Variants in FEN1 observed in about 807,000 individuals in gnomAD.
The protein encoded by FEN1 is flap structure-specific endonuclease 1, also known as flap endonuclease 1.
In FEN1, 19 loss-of-function variants were observed where a neutral mutation model predicts 24.7. That is an observed-to-expected ratio of 0.77 (90% CI 0.54 to 1.13). The LOEUF is 1.13. FEN1 is among the 50% of genes most tolerant of loss of function. FEN1 has a pLI of 0.00. For missense variants in FEN1, 339 were observed against 488.7 expected (o/e 0.69, Z 2.89); for synonymous variants, 155 against 189.2 (o/e 0.82, Z 1.48).
chr11:61,796,259 G>C lies in FEN1; in HGVS notation c.898G>C (p.Glu300Gln), dbSNP rs188983237. The change falls in exon 2 of 2, where the codon GAG becomes CAG. Residue 300 changes from glutamate (E) to glutamine (Q), a missense_variant. This residue lies in a region of FEN1 where 70 missense variants were observed against 64.9 expected (regional missense o/e 1.08). Coordinates refer to ENST00000305885, the MANE Select transcript of FEN1 (RefSeq NM_004111.6). Reference sequence around the variant, plus strand: ...AGAGTCTGTGGAGCTGAAGTGGAGCGAGCCAAATGAAGAAGAGCTGATCAA... The same window carrying C: ...AGAGTCTGTGGAGCTGAAGTGGAGCCAGCCAAATGAAGAAGAGCTGATCAA... ...DPESVELKWS[E>Q]PNEEELIKFM... is the part of the protein sequence containing the mutation. 1.2e-6 allele frequency: 2 copies of C among 1,612,552 alleles called. No individual in the cohort carries two copies. Among genetic ancestry groups the C allele is most frequent in the Admixed American group, 3.3e-5 (2 of 60,026 alleles).
Position 61,795,411 on chromosome 11 carries a change from C to G in FEN1, c.50C>G (p.Ala17Gly). ...CTAATTGCTGATGTGGCCCCCAGTGCCATCCGGGAGAATGACATCAAGAGC... is the reference window on the plus strand; with the variant it reads ...CTAATTGCTGATGTGGCCCCCAGTGGCATCCGGGAGAATGACATCAAGAGC... ...AKLIADVAPS[A>G]IRENDIKSYF... Residue 17 changes from alanine to glycine, a missense_variant, in exon 2 of 2, where the codon GCC (alanine) becomes GGC (glycine). By Grantham distance (60) the Ala-to-Gly change is moderately conservative. This residue lies in a region of FEN1 where 216 missense variants were observed against 329.7 expected (regional missense o/e 0.66). Coordinates refer to ENST00000305885, the MANE Select transcript of FEN1 (RefSeq NM_004111.6). The surrounding 1 kb of genome is among the most constrained non-coding windows in gnomAD (Gnocchi z 4.1). The G allele has an allele frequency of 6.2e-7, 1 of 1,613,116 alleles. No individual in the cohort carries two copies. Among genetic ancestry groups the G allele is most frequent in the Non-Finnish European group, 8.5e-7 (1 of 1,179,336 alleles).
Position 61,795,233 on chromosome 11 carries a change from G to T in FEN1, c.-21-108G>T. The T allele has an allele frequency of 3.4e-6, 3 of 889,668 alleles. No homozygotes were observed. The highest frequency in any genetic ancestry group is 3.4e-6 in the Non-Finnish European group (2 of 592,896). The allele number at this position is 889,668 out of a possible 1,614,324, so 55.1% of individuals were successfully genotyped here. A position where few individuals can be genotyped will look rare whatever the true frequency, so the allele number is the denominator to read the frequency against. Reference sequence around the variant, plus strand: ...TTTTATCTTTAGCAGTGCTGACATGGTGTCCTTTTTGTTGTGTGGAATTTA... The same window carrying T: ...TTTTATCTTTAGCAGTGCTGACATGTTGTCCTTTTTGTTGTGTGGAATTTA... On this transcript the variant is annotated intron_variant, in intron 1 of 1. Coordinates refer to ENST00000305885, the MANE Select transcript of FEN1 (RefSeq NM_004111.6). This position sits in a 1 kb window ranked among gnomAD's most constrained non-coding sequence, Gnocchi z 4.1.
intron 1 of FEN1, among the ~76,000 whole-genome samples, chr11:61,793,752 C>T (rs1468205344): frequency 6.6e-6 from 1 of 152,146 alleles, no homozygotes; most frequent in Non-Finnish European, 1.5e-5. Context: ...AAAGGCGGGC[C>T]TTATTCCAGC....
rs1022887182 is a variant in FEN1, at chr11:61,792,957, G to A, written c.-93G>A. On this transcript the variant is annotated 5_prime_UTR_variant, in exon 1 of 2. Coordinates refer to ENST00000305885, the MANE Select transcript of FEN1 (RefSeq NM_004111.6). ...CCGCTAAGCTGAGAAGGGAGAGCGAGCTTAGGACCGCCTGCCCGGGGCAAC... is the reference window on the plus strand; with the variant it reads ...CCGCTAAGCTGAGAAGGGAGAGCGAACTTAGGACCGCCTGCCCGGGGCAAC... 4 of 224,566 alleles carry A rather than the reference G, an allele frequency of 1.8e-5. No individual in the cohort carries two copies. Among genetic ancestry groups the A allele is most frequent in the Non-Finnish European group, 3.7e-5 (4 of 109,194 alleles). The allele number at this position is 224,566 out of a possible 1,614,324, so 13.9% of individuals were successfully genotyped here.
At position 61,795,948 on chromosome 11, in the gene FEN1, C is replaced by T. The variant is rs1565315743; in HGVS notation, c.587C>T (p.Ala196Val). The change falls in exon 2 of 2, where the codon GCC (alanine) becomes GTC (valine). Residue 196 changes from alanine to valine, a missense_variant. Ala to Val is a moderately conservative substitution (Grantham distance 64). Coordinates refer to ENST00000305885, the MANE Select transcript of FEN1 (RefSeq NM_004111.6). The surrounding 1 kb of genome is among the most constrained non-coding windows in gnomAD (Gnocchi z 4.1). The part of the protein sequence containing the change: ...GSPVLMRHLT[A>V]SEAKKLPIQE... The stretch of plus-strand genomic sequence containing the variant: ...CCTGTGCTAATGCGACACCTGACTG[C>T]CAGTGAAGCCAAAAAGCTGCCAATC... 6.2e-7 allele frequency: 1 copy of T among 1,614,124 alleles called. No homozygotes were observed. The highest frequency in any genetic ancestry group is 2.2e-5 in the East Asian group (1 of 44,882).
At chr11:61,794,095 G>A (rs372232561) in intron 1 of FEN1, among the ~76,000 whole-genome samples, 3 of 152,202 alleles carry the variant, frequency 2.0e-5, no homozygotes, top group Middle Eastern at 3.2e-3. Context: ...CAAAGTGCTG[G>A]GATTACTGCC....
chr11:61,794,386 G>A (rs577864291), intron 1 of FEN1, among the ~76,000 whole-genome samples: 9 of 151,304 alleles, frequency 5.9e-5, no homozygotes, highest in South Asian at 2.1e-4. Context: ...GGGTTTCACC[G>A]TGTTGGCCAG....
Position 61,795,663 on chromosome 11 carries a change from G to C in FEN1, c.302G>C (p.Ser101Thr), listed in dbSNP as rs1412724264. 1 of 1,613,900 alleles carries C rather than the reference G, an allele frequency of 6.2e-7. No individual in the cohort carries two copies. Among genetic ancestry groups the C allele is most frequent in the African/African-American group, 1.3e-5 (1 of 74,950 alleles). ...QLKSGELAKR[S>T]ERRAEAEKQL... ...AAGTCAGGCGAGCTGGCCAAACGCA[G>C]TGAGCGGCGGGCTGAGGCAGAGAAG... The change falls in exon 2 of 2, where the codon AGT becomes ACT. Residue 101 changes from serine to threonine, a missense_variant. Ser to Thr is a moderately conservative substitution (Grantham distance 58, BLOSUM62 1). Coordinates refer to ENST00000305885, the MANE Select transcript of FEN1 (RefSeq NM_004111.6). This position sits in a 1 kb window ranked among gnomAD's most constrained non-coding sequence, Gnocchi z 4.1.
intron 1 of FEN1, chr11:61,793,359 C>CTCAG (rs2066800525): frequency 6.6e-6 from 1 of 152,486 alleles, no homozygotes; most frequent in Non-Finnish European, 1.5e-5. Flanking sequence ...TGGTCTGGTC[C>CTCAG]TCAGTCCACA....
Position 61,796,330 on chromosome 11 carries a change from T to C in FEN1, c.969T>C (p.Ser323=). The part of the protein sequence containing the change: ...EKQFSEERIR[S]GVKRLSKSRQ... ...AGTTCTCTGAGGAGCGAATCCGCAG[T>C]GGGGTCAAGAGGCTGAGTAAGAGCC... is the stretch of plus-strand genomic sequence containing the variant. The change falls in exon 2 of 2, where the codon AGT becomes AGC. Residue 323 remains serine, a synonymous_variant. Coordinates refer to ENST00000305885, the MANE Select transcript of FEN1 (RefSeq NM_004111.6). 1 of 1,613,308 alleles carries C rather than the reference T, an allele frequency of 6.2e-7. No homozygotes were observed. Among genetic ancestry groups the C allele is most frequent in the Non-Finnish European group, 8.5e-7 (1 of 1,180,032 alleles).
At chr11:61,794,884 C>A (rs1271811332) in intron 1 of FEN1, among the ~76,000 whole-genome samples, 1 of 152,176 alleles carries the variant, frequency 6.6e-6, no homozygotes, top group African/African-American at 2.4e-5. Context: ...TTTTTCAAGG[C>A]TGCCTTATTA....
Position 61,795,291 on chromosome 11 carries a change from G to C in FEN1, c.-21-50G>C. ...GCATGAAGTTGGTGAGATAACACCA[G>C]TTATAACCTTTCTCCTTTCCTCCGT... On this transcript the variant is annotated intron_variant, in intron 1 of 1. Transcript: ENST00000305885. The surrounding 1 kb of genome is among the most constrained non-coding windows in gnomAD (Gnocchi z 4.1). 6.7e-7 allele frequency: 1 copy of C among 1,500,934 alleles called. No individual in the cohort carries two copies. The highest frequency in any genetic ancestry group is 1.3e-5 in the South Asian group (1 of 75,318). The allele number at this position is 1,500,934 out of a possible 1,614,324, so 93.0% of individuals were successfully genotyped here. A position where few individuals can be genotyped will look rare whatever the true frequency, so the allele number is the denominator to read the frequency against.
In FEN1 at chr11:61,796,012, C is replaced by T; in HGVS notation, c.651C>T (p.Gly217=). 1.2e-6 allele frequency: 2 copies of T among 1,614,212 alleles called. No homozygotes were observed. Residue 217 remains glycine, a synonymous_variant, in exon 2 of 2, where the codon GGC becomes GGT. Coordinates refer to ENST00000305885, the MANE Select transcript of FEN1 (RefSeq NM_004111.6). ...TGAGCCGGATTCTGCAGGAGCTGGG[C>T]CTGAACCAGGAACAGTTTGTGGATC... is the stretch of plus-strand genomic sequence containing the variant. ...FHLSRILQEL[G]LNQEQFVDLC...
Position 61,795,663 on chromosome 11 carries a change from G to A in FEN1, c.302G>A (p.Ser101Asn). 1 of 1,614,018 alleles carries A rather than the reference G, an allele frequency of 6.2e-7. No individual in the cohort carries two copies. ...AAGTCAGGCGAGCTGGCCAAACGCAGTGAGCGGCGGGCTGAGGCAGAGAAG... is the reference window on the plus strand; with the variant it reads ...AAGTCAGGCGAGCTGGCCAAACGCAATGAGCGGCGGGCTGAGGCAGAGAAG... Reference protein sequence around the residue: ...QLKSGELAKRSERRAEAEKQL... With the variant: ...QLKSGELAKRNERRAEAEKQL... The change falls in exon 2 of 2, where the codon AGT becomes AAT. Residue 101 changes from serine to asparagine, a missense_variant. Physicochemically the swap from Ser to Asn is conservative, Grantham distance 46 (BLOSUM62 1). Transcript: ENST00000305885. This position sits in a 1 kb window ranked among gnomAD's most constrained non-coding sequence, Gnocchi z 4.1.
In FEN1 at chr11:61,796,028, T is replaced by C; in HGVS notation, c.667T>C (p.Phe223Leu). Residue 223 changes from phenylalanine (F) to leucine (L), a missense_variant, in exon 2 of 2, where the codon TTT (phenylalanine) becomes CTT (leucine). Coordinates refer to ENST00000305885, the MANE Select transcript of FEN1 (RefSeq NM_004111.6). Reference sequence around the variant, plus strand: ...GGAGCTGGGCCTGAACCAGGAACAGTTTGTGGATCTGTGCATCCTGCTAGG... The same window carrying C: ...GGAGCTGGGCCTGAACCAGGAACAGCTTGTGGATCTGTGCATCCTGCTAGG... ...LQELGLNQEQ[F>L]VDLCILLGSD... 6.2e-7 allele frequency: 1 copy of C among 1,614,164 alleles called. No individual in the cohort carries two copies. Among genetic ancestry groups the C allele is most frequent in the Non-Finnish European group, 8.5e-7 (1 of 1,180,030 alleles).
Position 61,795,193 on chromosome 11 carries a change from G to A in FEN1, c.-21-148G>A. On this transcript the variant is annotated intron_variant, in intron 1 of 1. Transcript: ENST00000305885. This position sits in a 1 kb window ranked among gnomAD's most constrained non-coding sequence, Gnocchi z 4.1. ...GCTAGACTGAGTTTTTTGAGAATGG[G>A]GACCTTGTTCATCTTTTTATCTTTA... is the stretch of plus-strand genomic sequence containing the variant. 1 of 658,288 alleles carries A rather than the reference G, an allele frequency of 1.5e-6. No individual in the cohort carries two copies. The highest frequency in any genetic ancestry group is 2.5e-6 in the Non-Finnish European group (1 of 407,618). 40.8% of individuals were successfully genotyped at this position (658,288 alleles called of 1,614,324 possible).
Position 61,795,365 on chromosome 11 carries a change from G to A in FEN1, c.4G>A (p.Gly2Arg). 1 of 1,596,696 alleles carries A rather than the reference G, an allele frequency of 6.3e-7. No individual in the cohort carries two copies. The highest frequency in any genetic ancestry group is 2.2e-5 in the East Asian group (1 of 44,614). The part of the protein sequence containing the change: M[G>R]IQGLAKLIAD... Reference sequence around the variant, plus strand: ...GTCATCCCTCCTCTGTGTTGCCATGGGAATTCAAGGCCTGGCCAAACTAAT... The same window carrying A: ...GTCATCCCTCCTCTGTGTTGCCATGAGAATTCAAGGCCTGGCCAAACTAAT... Residue 2 changes from glycine to arginine, a missense_variant, in exon 2 of 2, where the codon GGA (glycine) becomes AGA (arginine). Gly to Arg is a moderately radical substitution (Grantham distance 125, BLOSUM62 -2). Around this residue, in one of 3 missense-constraint regions of FEN1, gnomAD observed 216 missense variants for 329.7 expected, o/e 0.66. Coordinates refer to ENST00000305885, the MANE Select transcript of FEN1 (RefSeq NM_004111.6). This position sits in a 1 kb window ranked among gnomAD's most constrained non-coding sequence, Gnocchi z 4.1.
In FEN1 at chr11:61,796,587, C is replaced by T. The variant is rs695869; in HGVS notation, c.*83C>T. 5,805 of 1,407,168 alleles carry T rather than the reference C, an allele frequency of 4.1e-3. 24 individuals carry two copies. The highest frequency in any genetic ancestry group is 0.012 in the Middle Eastern group (46 of 3,850). 87.2% of individuals were successfully genotyped at this position (1,407,168 alleles called of 1,614,324 possible). ...AGAGCTACAGCTAGAGAAACCTTCACGGGGTGGAGAGAGGATTCTAAGGCT... is the reference window on the plus strand; with the variant it reads ...AGAGCTACAGCTAGAGAAACCTTCATGGGGTGGAGAGAGGATTCTAAGGCT... On this transcript the variant is annotated 3_prime_UTR_variant, in exon 2 of 2. Coordinates refer to ENST00000305885, the MANE Select transcript of FEN1 (RefSeq NM_004111.6).
intron 1 of FEN1, among the ~76,000 whole-genome samples, chr11:61,794,811 AAG>A (rs2066810488): frequency 6.6e-6 from 1 of 152,230 alleles, no homozygotes; most frequent in Non-Finnish European, 1.5e-5. Flanking sequence ...GGCGATGATG[AAG>A]AGAGTTTAGA....
Sources: gnomAD v4.1 joint callset for allele counts (sites outside exome capture counted in the v4.1 genomes callset) on GRCh38, gnomAD v4.1.1 for gene constraint, gnomAD v4.1.1 regional missense constraint, Gnocchi (gnomAD v3.1) non-coding constraint, MANE v1.5 for transcripts, NCBI Gene and HGNC (gene_info 2026-07-23, HGNC 2026-07-21) for gene names.